Variants in CDH18 observed in about 807,000 individuals in gnomAD.
CDH18 encodes cadherin-18.
Under a neutral mutation model 67.9 loss-of-function variants are expected in CDH18, and 31 were observed. That is an observed-to-expected ratio of 0.46 (90% CI 0.34 to 0.62). The LOEUF is 0.62. CDH18 is among the 20% of genes least tolerant of loss of function. CDH18 has a pLI of 0.01. For synonymous variants in CDH18, 362 were observed against 347.2 expected (o/e 1.04, Z -0.48); for missense variants, 890 against 975.5 (o/e 0.91, Z 1.17).
At chr5:20,493,174 T>C (rs112758474) in intron 1 of CDH18, among the ~76,000 whole-genome samples, 5,808 of 151,064 alleles carry the variant, frequency 0.038, 361 homozygotes, top group African/African-American at 0.13. Flanking sequence ...CATGGTGATG[T>C]CCCTTCTCTA....
At chr5:19,942,922 G>A (rs982304859) in intron 2 of CDH18, among the ~76,000 whole-genome samples, 1 of 152,100 alleles carries the variant, frequency 6.6e-6, no homozygotes, top group Non-Finnish European at 1.5e-5. Context: ...ACAGGCCTTG[G>A]AGATGGGACT....
rs1390044030 is a variant in CDH18, at chr5:20,006,648, T to A, written c.-517-14634A>T. On this transcript the variant is annotated intron_variant, in intron 2 of 14. Coordinates refer to the CDH18 transcript ENST00000507958. The stretch of plus-strand genomic sequence containing the variant: ...TAAATTAGCACATGGCATTTTATAA[T>A]TAGAAACTACATTTTGTAGTTGTTT... Among the ~76,000 whole-genome samples, 6 of 152,092 alleles carry A rather than the reference T, an allele frequency of 3.9e-5. No homozygotes were observed. The South Asian group carries it at 1.0e-3, about 26-fold the overall frequency.
chr5:20,187,241 C>G (rs1738171191), intron 2 of CDH18, among the ~76,000 whole-genome samples: 2 of 151,662 alleles, frequency 1.3e-5, no homozygotes, highest in Non-Finnish European at 3.0e-5. Context: ...GGTAAATGTA[C>G]ATATGGCCAT....
At chr5:19,565,266 T>C (rs1740172198) in intron 8 of CDH18, among the ~76,000 whole-genome samples, 1 of 152,302 alleles carries the variant, frequency 6.6e-6, no homozygotes, top group South Asian at 2.1e-4. Context: ...ATTTCAGTTA[T>C]GACCCAGTGC....
chr5:19,772,666 T>C (rs931664978), intron 3 of CDH18, among the ~76,000 whole-genome samples: 2 of 152,202 alleles, frequency 1.3e-5, no homozygotes, highest in Admixed American at 6.5e-5. Context: ...TAGTACCACT[T>C]TGAAGTATTA....
chr5:19,821,013 C>T (rs1309549392), intron 3 of CDH18, among the ~76,000 whole-genome samples: 1 of 152,118 alleles, frequency 6.6e-6, no homozygotes, highest in Non-Finnish European at 1.5e-5. Flanking sequence ...GATGAGAAGA[C>T]ATTGGCACAA....
rs1737645185 is a variant in CDH18 at position 19,471,464 on chromosome 5, A to G, written c.*1762T>C. On this transcript the variant is annotated 3_prime_UTR_variant, in exon 13 of 13. Coordinates refer to ENST00000382275, the MANE Select transcript of CDH18 (RefSeq NM_004934.5). ...ATTTTGCACATGGGTAGAAACAGAC[A>G]GAAAATGTCATATAACTTTTGGGGA... 6.6e-6 allele frequency among the ~76,000 whole-genome samples: 1 copy of G among 152,158 alleles called. No homozygotes were observed. Among genetic ancestry groups the G allele is most frequent in the Non-Finnish European group, 1.5e-5 (1 of 68,024 alleles).
rs199911590 is a variant in CDH18, at chr5:20,521,808, T to C, written c.-580+53654A>G. ...CAAGCACAAGTTACACACACACACA[T>C]ACACACACACACACACGTGCATACA... On this transcript the variant is annotated intron_variant, in intron 1 of 14. Coordinates refer to the CDH18 transcript ENST00000507958. Among the ~76,000 whole-genome samples, 535 of 149,972 alleles carry C rather than the reference T, an allele frequency of 3.6e-3. 7 individuals are homozygous for C. Among genetic ancestry groups the C allele is most frequent in the African/African-American group, 8.3e-3 (339 of 41,002 alleles).
At chr5:20,099,522 C>T in intron 2 of CDH18, among the ~76,000 whole-genome samples, 1 of 152,014 alleles carries the variant, frequency 6.6e-6, no homozygotes, top group East Asian at 1.9e-4. Flanking sequence ...CCATTTTCAT[C>T]TTTTTATCCA....
chr5:19,520,857 T>C (rs757668609), intron 9 of CDH18, 79 bp from the exon 10 acceptor site: 1 of 1,460,126 alleles, frequency 6.8e-7, no homozygotes, highest in Non-Finnish European at 9.3e-7. Flanking sequence ...TCTTTAATAC[T>C]GTAGCTTGTC....
At chr5:20,191,267 A>C (rs574211760) in intron 2 of CDH18, among the ~76,000 whole-genome samples, 1 of 152,270 alleles carries the variant, frequency 6.6e-6, no homozygotes, top group East Asian at 1.9e-4. Context: ...TGATGGTGGA[A>C]AATGCCAAAA....
At chr5:20,508,911 C>A (rs1242358233) in intron 1 of CDH18, among the ~76,000 whole-genome samples, 1 of 152,026 alleles carries the variant, frequency 6.6e-6, no homozygotes, top group South Asian at 2.1e-4. Context: ...AAGTCACACC[C>A]TCCTAATGTC....
At chr5:20,564,987 C>T (rs182496030) in intron 1 of CDH18, among the ~76,000 whole-genome samples, 1 of 152,244 alleles carries the variant, frequency 6.6e-6, no homozygotes, top group Admixed American at 6.5e-5. Flanking sequence ...TTTGGGTCAC[C>T]AGAAATTAGC....
intron 2 of CDH18, among the ~76,000 whole-genome samples, chr5:20,239,084 A>C (rs901273995): frequency 1.3e-5 from 2 of 152,214 alleles, no homozygotes; most frequent in African/African-American, 4.8e-5. Context: ...TATCATATGG[A>C]TATATCTAAG....
chr5:19,998,231 T>C (rs1029264271), intron 2 of CDH18, among the ~76,000 whole-genome samples: 5 of 152,118 alleles, frequency 3.3e-5, no homozygotes, highest in Non-Finnish European at 5.9e-5. Context: ...TCTAGAATGT[T>C]ATTACGAGTT....
At chr5:19,907,468 A>C (rs1018854212) in intron 2 of CDH18, among the ~76,000 whole-genome samples, 4 of 152,036 alleles carry the variant, frequency 2.6e-5, no homozygotes, top group Admixed American at 2.0e-4. Context: ...CATTGGTAAT[A>C]ATTTTGAGCA....
intron 5 of CDH18, among the ~76,000 whole-genome samples, chr5:19,703,842 G>T (rs1283644529): frequency 6.6e-6 from 1 of 150,788 alleles, no homozygotes; most frequent in Admixed American, 6.7e-5. Flanking sequence ...TTCTCCTTTT[G>T]TAATGGGACT....
chr5:20,496,130 A>G (rs1264232697), intron 1 of CDH18, among the ~76,000 whole-genome samples: 1 of 152,164 alleles, frequency 6.6e-6, no homozygotes, highest in African/African-American at 2.4e-5. Context: ...AAGATTGAAA[A>G]ACACACCATA....
intron 2 of CDH18, among the ~76,000 whole-genome samples, chr5:20,172,119 T>C (rs1398525225): frequency 6.9e-6 from 1 of 144,248 alleles, no homozygotes; most frequent in Non-Finnish European, 1.5e-5. Context: ...AACCACTAAA[T>C]TTATCACATG....
Sources: gnomAD v4.1 joint callset for allele counts (sites outside exome capture counted in the v4.1 genomes callset) on GRCh38, gnomAD v4.1.1 for gene constraint, MANE v1.5 for transcripts, NCBI Gene and HGNC (gene_info 2026-07-23, HGNC 2026-07-21) for gene names.